Variants in CCNY observed in about 807,000 individuals in gnomAD.
The protein encoded by CCNY is cyclin-Y.
Under a neutral mutation model 42.8 loss-of-function variants are expected in CCNY, and 19 were observed. That is an observed-to-expected ratio of 0.44 (90% CI 0.31 to 0.65). CCNY has a LOEUF of 0.65. Ranked by LOEUF, CCNY falls within the 30% of genes least tolerant of loss-of-function variation. The pLI, the probability that CCNY is intolerant of heterozygous loss-of-function variation, is 0.07. For missense variants in CCNY, 370 were observed against 437.3 expected (o/e 0.85, Z 1.37); for synonymous variants, 165 against 162.7 (o/e 1.01, Z -0.11).
rs183142123 is a variant in CCNY at position 35,393,887 on chromosome 10, A to T, written c.154+56680A>T. On this transcript the variant is annotated intron_variant, in intron 1 of 9. Transcript: ENST00000374704. Reference sequence around the variant, plus strand: ...GAGTTCGAGATCAGCCTGGCAACATAGCGAGACCCTGTCTCTAAAAAAACA... The same window carrying T: ...GAGTTCGAGATCAGCCTGGCAACATTGCGAGACCCTGTCTCTAAAAAAACA... Among the ~76,000 whole-genome samples the T allele has an allele frequency of 5.9e-5, 9 of 152,322 alleles. No individual in the cohort carries two copies. In the East Asian group the frequency reaches 1.3e-3, roughly 23 times the overall value.
intron 3 of CCNY, among the ~76,000 whole-genome samples, chr10:35,320,245 A>C (rs925927777): frequency 6.6e-6 from 1 of 152,222 alleles, no homozygotes; most frequent in Non-Finnish European, 1.5e-5. Context: ...AACTGAATTC[A>C]GCAATATATA....
chr10:35,269,790 C>T (rs867482841), intron 3 of CCNY, among the ~76,000 whole-genome samples: 8 of 151,228 alleles, frequency 5.3e-5, no homozygotes, highest in Middle Eastern at 3.4e-3. Context: ...CCACCATGCC[C>T]GGCTAATTTT....
At chr10:35,454,521 A>G (rs1838988264) in intron 1 of CCNY, among the ~76,000 whole-genome samples, 2 of 152,208 alleles carry the variant, frequency 1.3e-5, no homozygotes, top group African/African-American at 4.8e-5. Context: ...TTAGGGGTGG[A>G]AAGCAAGTTT....
chr10:35,570,555 T>C lies in CCNY; in HGVS notation c.*1385T>C, dbSNP rs1841666502. The C allele has an allele frequency of 6.6e-6, 1 of 152,370 alleles. No homozygotes were observed. The highest frequency in any genetic ancestry group is 1.5e-5 in the Non-Finnish European group (1 of 68,044). 9.4% of individuals were successfully genotyped at this position (152,370 alleles called of 1,614,324 possible). A position where few individuals can be genotyped will look rare whatever the true frequency, so the allele number is the denominator to read the frequency against. ...ATGAAATCTAAGAGTGTGAGTCACT[T>C]GCATATGTAATGCTTTGGGTTTTTG... On this transcript the variant is annotated 3_prime_UTR_variant, in exon 10 of 10. Transcript: ENST00000374704.
intron 3 of CCNY, among the ~76,000 whole-genome samples, chr10:35,267,684 T>C (rs190668161): frequency 2.6e-4 from 40 of 152,296 alleles, no homozygotes; most frequent in African/African-American, 9.4e-4. Context: ...AAGTATCGAT[T>C]CCCAGGATGA....
chr10:35,388,582 ATTCTCTTTTGACATATAAATAATTGCGTT>A (rs543822607), intron 1 of CCNY, among the ~76,000 whole-genome samples: 71 of 152,334 alleles, frequency 4.7e-4, no homozygotes, highest in African/African-American at 1.6e-3. Flanking sequence ...TGGAATGAGT[ATTCTCTTTTGACATATAAATAATTGCGTT>A]TTCTCTTTTG....
chr10:35,312,193 C>T (rs986864728), intron 3 of CCNY, among the ~76,000 whole-genome samples: 1 of 151,708 alleles, frequency 6.6e-6, no homozygotes, highest in Non-Finnish European at 1.5e-5. Flanking sequence ...CTAGCTAACA[C>T]GGTGAAACCC....
rs1374405948 is a variant in CCNY at position 35,510,878 on chromosome 10, TGTAA to T, written c.265-5640_265-5637del. Among the ~76,000 whole-genome samples, 3 of 152,364 alleles carry T rather than the reference TGTAA, an allele frequency of 2.0e-5. No individual in the cohort carries two copies. In the East Asian group the frequency reaches 5.8e-4, roughly 29 times the overall value. ...CAAGCCAGGATGTGTGATTGTCCTC[TGTAA>T]GTAACTTGCCCACATTTACACAACT... On this transcript the variant is annotated intron_variant, in intron 3 of 9. Transcript: ENST00000374704.
At position 35,355,011 on chromosome 10, in the gene CCNY, C is replaced by T. The variant is rs1275397865; in HGVS notation, c.154+17804C>T. On this transcript the variant is annotated intron_variant, in intron 1 of 9. Coordinates refer to ENST00000374704, the MANE Select transcript of CCNY (RefSeq NM_145012.6). The stretch of plus-strand genomic sequence containing the variant: ...CCAGTGGTTCTAGGACCATAAAAGA[C>T]TAATGGGAAGAATTTCTGTGTCCCA... Among the ~76,000 whole-genome samples the T allele has an allele frequency of 2.0e-5, 3 of 152,256 alleles. No homozygotes were observed. The East Asian group carries it at 5.8e-4, about 29-fold the overall frequency.
At position 35,569,982 on chromosome 10, in the gene CCNY, C is replaced by G. The variant is rs1167282337; in HGVS notation, c.*812C>G. The stretch of plus-strand genomic sequence containing the variant: ...TTTTCCTGACCTGAAGTTGTTGTTA[C>G]AAAATCAGTCAGACTTTGTGGGCTG... On this transcript the variant is annotated 3_prime_UTR_variant, in exon 10 of 10. Transcript: ENST00000374704. 6.6e-6 allele frequency: 1 copy of G among 152,598 alleles called. No individual in the cohort carries two copies. Among genetic ancestry groups the G allele is most frequent in the Non-Finnish European group, 1.5e-5 (1 of 68,080 alleles). 9.5% of individuals were successfully genotyped at this position (152,598 alleles called of 1,614,324 possible).
chr10:35,368,031 A>T lies in CCNY; in HGVS notation c.154+30824A>T, dbSNP rs185435452. Among the ~76,000 whole-genome samples, 3 of 152,356 alleles carry T rather than the reference A, an allele frequency of 2.0e-5. 1 individual carries two copies. The highest frequency in any genetic ancestry group is 4.4e-5 in the Non-Finnish European group (3 of 68,042). ...ATTCTCTGAAGAATGACTTAGGTGC[A>T]TATGCTAGGAAACTTTTGAAAGATT... On this transcript the variant is annotated intron_variant, in intron 1 of 9. Transcript: ENST00000374704.
intron 1 of CCNY, among the ~76,000 whole-genome samples, chr10:35,402,494 C>A (rs2135231353): frequency 6.6e-6 from 1 of 152,214 alleles, no homozygotes; most frequent in South Asian, 2.1e-4. Context: ...TAGGTAAAAA[C>A]AACAGTCTTC....
intron 1 of CCNY, among the ~76,000 whole-genome samples, chr10:35,385,835 A>G (rs1433824501): frequency 6.6e-6 from 1 of 152,218 alleles, no homozygotes; most frequent in Non-Finnish European, 1.5e-5. Context: ...TTGAGGAGTG[A>G]TACCAGCCTT....
chr10:35,466,883 C>T (rs1162561158), intron 1 of CCNY, among the ~76,000 whole-genome samples: 1 of 152,256 alleles, frequency 6.6e-6, no homozygotes, highest in Non-Finnish European at 1.5e-5. Flanking sequence ...AGCGATCCTC[C>T]TGCCCCAGCC....
intron 3 of CCNY, among the ~76,000 whole-genome samples, chr10:35,294,828 A>G (rs1236031577): frequency 6.6e-6 from 1 of 152,210 alleles, no homozygotes; most frequent in Admixed American, 6.5e-5. Context: ...ATTAATTACT[A>G]TTTAAGTGTT....
At chr10:35,487,085 G>C (rs1839803029) in intron 2 of CCNY, among the ~76,000 whole-genome samples, 1 of 152,236 alleles carries the variant, frequency 6.6e-6, no homozygotes, top group Admixed American at 6.5e-5. Context: ...CTGACTGGTT[G>C]AAAGAAGGAA....
chr10:35,379,204 A>G (rs919025323), intron 1 of CCNY, among the ~76,000 whole-genome samples: 1 of 152,224 alleles, frequency 6.6e-6, no homozygotes, highest in Non-Finnish European at 1.5e-5. Context: ...TCTCGGGTCC[A>G]AAAGTGTCTT....
intron 7 of CCNY, among the ~76,000 whole-genome samples, chr10:35,546,683 G>A (rs1044781458): frequency 1.3e-5 from 2 of 152,138 alleles, no homozygotes; most frequent in Non-Finnish European, 2.9e-5. Flanking sequence ...CTTTCCCTCT[G>A]TTACAGGATG....
intron 1 of CCNY, among the ~76,000 whole-genome samples, chr10:35,455,686 A>G (rs1839013320): frequency 6.6e-6 from 1 of 152,086 alleles, no homozygotes; most frequent in Non-Finnish European, 1.5e-5. Flanking sequence ...TTGAGAGAAC[A>G]TGAACCAGGA....
Sources: allele counts gnomAD v4.1 joint callset (sites outside exome capture counted in the v4.1 genomes callset), GRCh38; gene constraint gnomAD v4.1.1; transcripts MANE v1.5; gene names NCBI Gene and HGNC (gene_info 2026-07-23, HGNC 2026-07-21).